Variants in TMTC2 observed in about 807,000 individuals in gnomAD.
TMTC2 encodes the protein transmembrane O-mannosyltransferase targeting cadherins 2.
In TMTC2, 43 loss-of-function variants were observed where a neutral mutation model predicts 82.4. The observed-to-expected ratio is 0.52, with a 90% CI of 0.41 to 0.67. The LOEUF (loss-of-function observed/expected upper bound fraction) is 0.67. TMTC2 is among the 30% of genes least tolerant of loss of function. TMTC2 has a pLI of 0.00. For synonymous variants in TMTC2, 408 were observed against 381.9 expected, an observed-to-expected ratio of 1.07 and a Z score of -0.80; for missense variants, 919 against 1,012.4, an observed-to-expected ratio of 0.91 and a Z score of 1.25.
At chr12:82,891,854 T>C (rs995555385) in intron 2 of TMTC2, among the ~76,000 whole-genome samples, 1 of 152,188 alleles carries the variant, frequency 6.6e-6, no homozygotes, top group Non-Finnish European at 1.5e-5. Context: ...GCTTTACCTG[T>C]TGGTTTAGTT....
intron 1 of TMTC2, among the ~76,000 whole-genome samples, chr12:82,753,954 G>A (rs554026573): frequency 2.0e-5 from 3 of 152,268 alleles, no homozygotes; most frequent in African/African-American, 4.8e-5. Context: ...AGTAGGTCAC[G>A]TTTTTCCAGG....
intron 1 of TMTC2, among the ~76,000 whole-genome samples, chr12:82,824,538 T>C (rs1869298483): frequency 6.6e-6 from 1 of 152,140 alleles, no homozygotes; most frequent in African/African-American, 2.4e-5. Context: ...TTATATCACG[T>C]CAATATATGC....
rs770172730 is a variant in TMTC2, at chr12:82,727,718, C to CAA, written c.83+40062_83+40063dup. 2.3e-3 allele frequency among the ~76,000 whole-genome samples: 319 copies of CAA among 136,314 alleles called. 2 individuals are homozygous for CAA. The highest frequency in any genetic ancestry group is 6.3e-3 in the African/African-American group (229 of 36,606). 89.4% of individuals were successfully genotyped at this position (136,314 alleles called of 152,430 possible). A position where few individuals can be genotyped will look rare whatever the true frequency, so the allele number is the denominator to read the frequency against. On this transcript the variant is annotated intron_variant, in intron 1 of 11. Transcript: ENST00000321196. ...CGTGGGCAACAGAGTGAGAGTGTCT[C>CAA]AAAAAAAAAAAAAATTCTTTTGAAA...
intron 2 of TMTC2, among the ~76,000 whole-genome samples, chr12:82,878,909 A>G (rs769320657): frequency 1.3e-4 from 20 of 152,126 alleles, no homozygotes; most frequent in Non-Finnish European, 2.5e-4. Context: ...ATTAGAAACA[A>G]ATGAACAAAG....
chr12:82,875,004 C>A (rs1240675086), intron 2 of TMTC2, among the ~76,000 whole-genome samples: 1 of 152,090 alleles, frequency 6.6e-6, no homozygotes. Context: ...GACACTTTCT[C>A]TGTAAAGGCC....
intron 1 of TMTC2, chr12:82,690,214 T>C (rs1237886352): frequency 4.5e-6 from 1 of 220,268 alleles, no homozygotes; most frequent in Non-Finnish European, 7.7e-6. Flanking sequence ...TGTAGGATGA[T>C]GATAATTTGT....
chr12:82,894,434 A>T (rs1200383714), intron 2 of TMTC2, among the ~76,000 whole-genome samples: 1 of 152,194 alleles, frequency 6.6e-6, no homozygotes, highest in Non-Finnish European at 1.5e-5. Context: ...TTTTCATAGA[A>T]GTTGTATATG....
intron 11 of TMTC2, among the ~76,000 whole-genome samples, chr12:83,113,629 A>C (rs1358160835): frequency 6.6e-6 from 1 of 152,244 alleles, no homozygotes; most frequent in Non-Finnish European, 1.5e-5. Flanking sequence ...CATGGCTTAG[A>C]GTACAGCGTG....
Position 82,777,449 on chromosome 12 carries a change from T to C in TMTC2, c.84-79561T>C, listed in dbSNP as rs192348487. Among the ~76,000 whole-genome samples, 218 of 152,270 alleles carry C rather than the reference T, an allele frequency of 1.4e-3. 2 individuals are homozygous for C. Among genetic ancestry groups the C allele is most frequent in the African/African-American group, 5.0e-3 (209 of 41,562 alleles). The stretch of plus-strand genomic sequence containing the variant: ...ATAATGATTCTCTCTTTCCATATTG[T>C]TTAATTTCTGAAAGAAATCTTTAGA... On this transcript the variant is annotated intron_variant, in intron 1 of 11. Transcript: ENST00000321196.
At chr12:82,724,754 T>C (rs1874370527) in intron 1 of TMTC2, among the ~76,000 whole-genome samples, 1 of 152,244 alleles carries the variant, frequency 6.6e-6, no homozygotes, top group Admixed American at 6.5e-5. Context: ...TTGGTGTGAT[T>C]CTCTGAAAAC....
At chr12:83,112,994 T>C (rs1266833563) in intron 11 of TMTC2, among the ~76,000 whole-genome samples, 3 of 152,172 alleles carry the variant, frequency 2.0e-5, no homozygotes, top group African/African-American at 7.2e-5. Context: ...AATCATTGGG[T>C]TTGAAATAAT....
intron 10 of TMTC2, among the ~76,000 whole-genome samples, chr12:83,059,972 T>A (rs1186047677): frequency 6.6e-6 from 1 of 151,772 alleles, no homozygotes; most frequent in African/African-American, 2.4e-5. Context: ...TTCCAGGGCA[T>A]GACCTAATGA....
At chr12:82,800,021 T>C (rs1208095304) in intron 1 of TMTC2, among the ~76,000 whole-genome samples, 3 of 152,100 alleles carry the variant, frequency 2.0e-5, no homozygotes, top group Non-Finnish European at 2.9e-5. Context: ...ACTAGTTTAA[T>C]GTGTGTTTGT....
At chr12:82,873,692 A>G (rs1872332402) in intron 2 of TMTC2, among the ~76,000 whole-genome samples, 1 of 152,276 alleles carries the variant, frequency 6.6e-6, no homozygotes, top group Non-Finnish European at 1.5e-5. Flanking sequence ...TGTCTTACAT[A>G]TGCAACAGGA....
chr12:82,961,419 T>C (rs1209673101), intron 4 of TMTC2, among the ~76,000 whole-genome samples: 1 of 151,966 alleles, frequency 6.6e-6, no homozygotes, highest in Non-Finnish European at 1.5e-5. Context: ...AAATTAACAT[T>C]ATATAAAATT....
chr12:82,907,885 G>A (rs1874410047), intron 3 of TMTC2, among the ~76,000 whole-genome samples: 1 of 152,056 alleles, frequency 6.6e-6, no homozygotes, highest in African/African-American at 2.4e-5. Flanking sequence ...AGGCCGAGGT[G>A]GGCAGATCAT....
chr12:82,761,566 AT>A (rs903341618), intron 1 of TMTC2, among the ~76,000 whole-genome samples: 4 of 152,252 alleles, frequency 2.6e-5, no homozygotes, highest in African/African-American at 9.6e-5. Flanking sequence ...CAAAACTCAC[AT>A]TTCTCTTAGC....
At chr12:82,798,373 T>C (rs1878827085) in intron 1 of TMTC2, among the ~76,000 whole-genome samples, 1 of 147,958 alleles carries the variant, frequency 6.8e-6, no homozygotes, top group Admixed American at 6.7e-5. Flanking sequence ...GGCGGGCGCC[T>C]GTAGTCCCAG....
chr12:82,914,666 A>G (rs1049404606), intron 3 of TMTC2, among the ~76,000 whole-genome samples: 1 of 152,130 alleles, frequency 6.6e-6, no homozygotes, highest in African/African-American at 2.4e-5. Context: ...ATAAAAGTGT[A>G]TATCGAATTG....
Sources: allele counts gnomAD v4.1 joint callset (sites outside exome capture counted in the v4.1 genomes callset), GRCh38; gene constraint gnomAD v4.1.1; transcripts MANE v1.5; gene names NCBI Gene and HGNC (gene_info 2026-07-23, HGNC 2026-07-21).